NCKAP1L: variants seen among roughly 807,000 people sequenced by gnomAD.
NCKAP1L encodes nck-associated protein 1-like.
In NCKAP1L, 53 loss-of-function variants were observed where a neutral mutation model predicts 139.2. The observed-to-expected ratio is 0.38, with a 90% CI of 0.31 to 0.48. The LOEUF (loss-of-function observed/expected upper bound fraction) is 0.48, where lower values mean the gene tolerates loss of function less well. Among genes scored for constraint, NCKAP1L ranks in the 20% least tolerant of loss-of-function variants. The pLI is 0.98. For synonymous variants in NCKAP1L, 468 were observed against 499.7 expected, an observed-to-expected ratio of 0.94 and a Z score of 0.85; for missense variants, 1,151 against 1,381.9, an observed-to-expected ratio of 0.83 and a Z score of 2.65.
In NCKAP1L at chr12:54,548,033, C is replaced by T. The variant is rs1174956489; in HGVS notation, c.*5348C>T. Reference sequence around the variant, plus strand: ...TACTTCTGCTGAATCTAAATGCTGACCTAACTTGGCAATTCTTTTATGTTA... The same window carrying T: ...TACTTCTGCTGAATCTAAATGCTGATCTAACTTGGCAATTCTTTTATGTTA... On this transcript the variant is annotated 3_prime_UTR_variant, in exon 31 of 31. Coordinates refer to ENST00000293373, the MANE Select transcript of NCKAP1L (RefSeq NM_005337.5). 1 of 152,206 alleles carries T rather than the reference C, an allele frequency of 6.6e-6. No individual in the cohort carries two copies. The highest frequency in any genetic ancestry group is 2.4e-5 in the African/African-American group (1 of 41,450). 9.4% of individuals were successfully genotyped at this position (152,206 alleles called of 1,614,324 possible).
chr12:54,514,008 A>AC (rs1956910144), intron 9 of NCKAP1L, among the ~76,000 whole-genome samples: 1 of 151,594 alleles, frequency 6.6e-6, no homozygotes, highest in East Asian at 2.0e-4. Flanking sequence ...GTGTATAAAC[A>AC]CATAAAGATG....
intron 13 of NCKAP1L, 110 bp downstream of exon 13, chr12:54,518,048 G>C: frequency 7.3e-7 from 1 of 1,366,522 alleles, no homozygotes; most frequent in Non-Finnish European, 1.0e-6. Context: ...GGTGTCAAAA[G>C]GTCCAATCTA....
At chr12:54,516,364 C>G (rs1388367465) in intron 10 of NCKAP1L, 69 bp downstream of exon 10, 1 of 1,419,152 alleles carries the variant, frequency 7.0e-7, no homozygotes, top group African/African-American at 1.4e-5. Context: ...TTGTTCTCAC[C>G]TAAGCCATCC....
Position 54,531,775 on chromosome 12 carries a change from A to T in NCKAP1L, c.2731A>T (p.Ile911Phe). The change falls in exon 25 of 31, where the codon ATT (isoleucine) becomes TTT (phenylalanine). Residue 911 changes from isoleucine (I) to phenylalanine (F), a missense_variant. By Grantham distance (21) the Ile-to-Phe change is conservative. Transcript: ENST00000293373. ...AENVLKRMTI[I>F]GVILSFRAMA... ...AAATGTGCTAAAGCGCATGACCATC[A>T]TTGGGGTTATCCTCAGTTTCAGGGC... The T allele has an allele frequency of 6.2e-7, 1 of 1,613,014 alleles. No individual in the cohort carries two copies. Among genetic ancestry groups the T allele is most frequent in the Non-Finnish European group, 8.5e-7 (1 of 1,179,096 alleles).
chr12:54,498,527 G>A (rs577819578), intron 1 of NCKAP1L, among the ~76,000 whole-genome samples: 2 of 151,988 alleles, frequency 1.3e-5, no homozygotes, highest in South Asian at 4.2e-4. Context: ...TAAAGACAGG[G>A]GTGTTTATGG....
At chr12:54,505,638 T>C (rs1248256006) in intron 3 of NCKAP1L, among the ~76,000 whole-genome samples, 2 of 151,312 alleles carry the variant, frequency 1.3e-5, no homozygotes, top group African/African-American at 4.9e-5. Flanking sequence ...TGTTGTTGCA[T>C]GTATCAGTGA....
intron 9 of NCKAP1L, among the ~76,000 whole-genome samples, chr12:54,513,958 C>A (rs1172298356): frequency 7.1e-6 from 1 of 140,036 alleles, no homozygotes; most frequent in East Asian, 2.2e-4. Flanking sequence ...GTTTGATGTG[C>A]ATCCTTCAGA....
Position 54,512,039 on chromosome 12 carries a change from C to A in NCKAP1L, c.875C>A (p.Thr292Asn), listed in dbSNP as rs767798885. ...TGTCTGCAGGGCTCCCTCTACATCA[C>A]CCTTATCCGTGAGGATGTGCTGCAG... The part of the protein sequence containing the change: ...KLCLQGSLYI[T>N]LIREDVLQVH... Residue 292 changes from threonine (T) to asparagine (N), a missense_variant, in exon 9 of 31, where the codon ACC (threonine) becomes AAC (asparagine). Thr to Asn is a moderately conservative substitution (Grantham distance 65). Coordinates refer to ENST00000293373, the MANE Select transcript of NCKAP1L (RefSeq NM_005337.5). 6.2e-7 allele frequency: 1 copy of A among 1,614,170 alleles called. No individual in the cohort carries two copies. The highest frequency in any genetic ancestry group is 8.5e-7 in the Non-Finnish European group (1 of 1,180,024).
At chr12:54,521,900 G>T (rs192056424) in intron 18 of NCKAP1L, among the ~76,000 whole-genome samples, 2 of 151,902 alleles carry the variant, frequency 1.3e-5, no homozygotes, top group Non-Finnish European at 2.9e-5. Flanking sequence ...GTGTGTGTGT[G>T]TGTGTGTGTG....
intron 24 of NCKAP1L, 46 bp downstream of exon 24, chr12:54,531,630 A>G: frequency 6.2e-7 from 1 of 1,607,750 alleles, no homozygotes; most frequent in Non-Finnish European, 8.5e-7. Flanking sequence ...GTGGAATCAC[A>G]TTGCAGATGA....
At chr12:54,502,979 T>A (rs1025737549) in intron 3 of NCKAP1L, among the ~76,000 whole-genome samples, 7 of 148,564 alleles carry the variant, frequency 4.7e-5, no homozygotes, top group African/African-American at 1.7e-4. Context: ...TACTCCAGCC[T>A]GGGTGACACA....
At chr12:54,533,164 T>G (rs1957086407) in intron 26 of NCKAP1L, among the ~76,000 whole-genome samples, 1 of 152,162 alleles carries the variant, frequency 6.6e-6, no homozygotes. Flanking sequence ...GATCTTTGAT[T>G]TTAAGCTGAG....
intron 10 of NCKAP1L, 118 bp downstream of exon 10, chr12:54,516,413 T>C: frequency 1.1e-6 from 1 of 890,638 alleles, no homozygotes; most frequent in Non-Finnish European, 1.8e-6. Context: ...ACCCAAGAAC[T>C]TGCTGCTACC....
In NCKAP1L at chr12:54,511,849, T is replaced by G; in HGVS notation, c.782T>G (p.Ile261Ser). The change falls in exon 8 of 31, where the codon ATC becomes AGC. Residue 261 changes from isoleucine (I) to serine (S), a missense_variant and splice_region_variant. Ile to Ser is a moderately radical substitution (Grantham distance 142). Transcript: ENST00000293373. ...GTGGAAGTAATGGAGCGCTGGATTA[T>G]CAGTAAGTTTAGTGGGATTAGATGG... is the stretch of plus-strand genomic sequence containing the variant. Reference protein sequence around the residue: ...LSVEVMERWIIIGFLLCHGCL... With the variant: ...LSVEVMERWISIGFLLCHGCL... 1 of 1,614,218 alleles carries G rather than the reference T, an allele frequency of 6.2e-7. No homozygotes were observed. The highest frequency in any genetic ancestry group is 8.5e-7 in the Non-Finnish European group (1 of 1,180,028).
At position 54,508,390 on chromosome 12, in the gene NCKAP1L, A is replaced by G. The variant is rs1956859752; in HGVS notation, c.365A>G (p.Asn122Ser). ...GGTTCCTATGTATTTTCCTTGTAGA[A>G]TCTCAACTTTGATTTCACTCGGAGT... Reference protein sequence around the residue: ...IDACQCHFDINLNFDFTRSYL... With the variant: ...IDACQCHFDISLNFDFTRSYL... The change falls in exon 5 of 31, where the codon AAT (asparagine) becomes AGT (serine). Residue 122 changes from asparagine (N) to serine (S), a missense_variant and splice_region_variant. Physicochemically the swap from Asn to Ser is conservative, Grantham distance 46. Transcript: ENST00000293373. The G allele has an allele frequency of 3.1e-6, 5 of 1,614,038 alleles. No individual in the cohort carries two copies. The highest frequency in any genetic ancestry group is 2.2e-5 in the East Asian group (1 of 44,874).
At chr12:54,529,450 C>T (rs1957050995) in intron 22 of NCKAP1L, among the ~76,000 whole-genome samples, 1 of 152,196 alleles carries the variant, frequency 6.6e-6, no homozygotes, top group South Asian at 2.1e-4. Flanking sequence ...CCATATAAAT[C>T]AGGGACGCTG....
In NCKAP1L at chr12:54,547,165, G is replaced by A. The variant is rs1957203911; in HGVS notation, c.*4480G>A. 1 of 152,192 alleles carries A rather than the reference G, an allele frequency of 6.6e-6. No homozygotes were observed. The highest frequency in any genetic ancestry group is 1.5e-5 in the Non-Finnish European group (1 of 68,048). The allele number at this position is 152,192 out of a possible 1,614,324, so 9.4% of individuals were successfully genotyped here. A position where few individuals can be genotyped will look rare whatever the true frequency, so the allele number is the denominator to read the frequency against. ...TCTTTTGAGCCTCAGAGTGGAACAAGTATACCCAATTCTTATCTGTTTAGA... is the reference window on the plus strand; with the variant it reads ...TCTTTTGAGCCTCAGAGTGGAACAAATATACCCAATTCTTATCTGTTTAGA... On this transcript the variant is annotated 3_prime_UTR_variant, in exon 31 of 31. Transcript: ENST00000293373.
chr12:54,512,764 ATGTG>A (rs55837974), intron 9 of NCKAP1L, among the ~76,000 whole-genome samples: 51,384 of 149,772 alleles, frequency 0.34, 9,325 homozygotes, highest in Non-Finnish European at 0.43. Flanking sequence ...GAGTGTGTGT[ATGTG>A]TGTGTGTGTG....
chr12:54,546,685 T>C lies in NCKAP1L; in HGVS notation c.*4000T>C, dbSNP rs1185742945. The C allele has an allele frequency of 2.0e-5, 3 of 152,368 alleles. No individual in the cohort carries two copies. The highest frequency in any genetic ancestry group is 7.2e-5 in the African/African-American group (3 of 41,550). The allele number at this position is 152,368 out of a possible 1,614,324, so 9.4% of individuals were successfully genotyped here. ...TCCTGCTTCTCCTAAGTACCTGTCA[T>C]CAAAGGAGATGAAGATGAATCCCCC... On this transcript the variant is annotated 3_prime_UTR_variant, in exon 31 of 31. Transcript: ENST00000293373.
Sources: gnomAD v4.1 joint callset for allele counts (sites outside exome capture counted in the v4.1 genomes callset) on GRCh38, gnomAD v4.1.1 for gene constraint, MANE v1.5 for transcripts, NCBI Gene and HGNC (gene_info 2026-07-23, HGNC 2026-07-21) for gene names.